Variants in HABP2 observed in about 807,000 individuals in gnomAD.
The protein encoded by HABP2 is factor VII-activating protease.
HABP2 carries 65 observed loss-of-function variants against 66.5 expected under a neutral mutation model. The observed-to-expected ratio is 0.98, with a 90% CI of 0.80 to 1.20. HABP2 has a LOEUF of 1.20. Ranked by LOEUF, HABP2 falls within the 50% of genes most tolerant of loss-of-function variation. The pLI is 0.00. For missense variants in HABP2, 786 were observed against 691.0 expected (o/e 1.14, Z -1.54); for synonymous variants, 263 against 253.9 (o/e 1.04, Z -0.34).
chr10:113,585,809 G>A lies in HABP2; in HGVS notation c.1389G>A (p.Gln463=). Residue 463 remains glutamine (Q), a synonymous_variant, in exon 12 of 13, where the codon CAG becomes CAA. Transcript: ENST00000351270. ...GVTETGKGSR[Q]LLDAKVKLIA... is the part of the protein sequence containing the mutation. ...TCCCCACAGGAAAAGGGTCCCGCCA[G>A]CTCCTGGATGCCAAAGTCAAGCTGA... 1 of 1,613,832 alleles carries A rather than the reference G, an allele frequency of 6.2e-7. No homozygotes were observed. Among genetic ancestry groups the A allele is most frequent in the African/African-American group, 1.3e-5 (1 of 75,058 alleles).
Position 113,581,936 on chromosome 10 carries a change from C to T in HABP2, c.899C>T (p.Ser300Phe), listed in dbSNP as rs141394312. ...TCAACCAAGCTTCCGGGGTTTGACT[C>T]CTGTGGAAAGACTGAGATAGCAGAG... ...EPSTKLPGFD[S>F]CGKTEIAERK... is the part of the protein sequence containing the mutation. Residue 300 changes from serine (S) to phenylalanine (F), a missense_variant, in exon 9 of 13, where the codon TCC becomes TTC. Transcript: ENST00000351270. The T allele has an allele frequency of 2.7e-4, 430 of 1,613,948 alleles. 1 individual carries two copies. Among genetic ancestry groups the T allele is most frequent in the Non-Finnish European group, 3.4e-4 (404 of 1,179,914 alleles).
In HABP2 at chr10:113,578,288, G is replaced by A. The variant is rs11575756; in HGVS notation, c.568+143G>A. On this transcript the variant is annotated intron_variant, in intron 6 of 12. Transcript: ENST00000351270. ...GCCTTCTCACCTAAAGGGATAGGGC[G>A]TGTCTGGCTTCCTGTAAAGAAAGTA... The A allele has an allele frequency of 3.7e-4, 331 of 904,086 alleles. No individual in the cohort carries two copies. In the African/African-American group the frequency reaches 4.8e-3, roughly 13 times the overall value. The allele number at this position is 904,086 out of a possible 1,614,324, so 56.0% of individuals were successfully genotyped here. A position where few individuals can be genotyped will look rare whatever the true frequency, so the allele number is the denominator to read the frequency against.
intron 1 of HABP2, among the ~76,000 whole-genome samples, chr10:113,556,358 T>A (rs1230718615): frequency 6.6e-6 from 1 of 152,102 alleles, no homozygotes; most frequent in African/African-American, 2.4e-5. Context: ...GACATTTGAG[T>A]AGCATTGGGT....
chr10:113,585,075 T>C (rs896608308), intron 11 of HABP2, among the ~76,000 whole-genome samples: 12 of 152,196 alleles, frequency 7.9e-5, no homozygotes, highest in African/African-American at 2.9e-4. Flanking sequence ...ATTCCACATA[T>C]CTGAACAAAG....
Position 113,580,634 on chromosome 10 carries a change from A to G in HABP2, c.780A>G (p.Lys260=). 1 of 1,604,714 alleles carries G rather than the reference A, an allele frequency of 6.2e-7. No homozygotes were observed. Among genetic ancestry groups the G allele is most frequent in the South Asian group, 1.1e-5 (1 of 90,850 alleles). Residue 260 remains lysine, a synonymous_variant, in exon 8 of 13, where the codon AAA becomes AAG. Coordinates refer to ENST00000351270, the MANE Select transcript of HABP2 (RefSeq NM_004132.5). ...DADEKPWCFI[K]VTNDKVKWEY... ...ACGAAAAGCCCTGGTGCTTTATTAA[A>G]GTTACCAATGACAAGGTGAAATGGG...
intron 9 of HABP2, among the ~76,000 whole-genome samples, 200 bp from the exon 10 acceptor site, chr10:113,583,016 A>G (rs1845569329): frequency 6.6e-6 from 1 of 152,224 alleles, no homozygotes; most frequent in Non-Finnish European, 1.5e-5. Context: ...GGTAAAAGTT[A>G]TAGCTTATAT....
At chr10:113,553,579 T>G (rs553651200) in intron 1 of HABP2, among the ~76,000 whole-genome samples, 1 of 152,368 alleles carries the variant, frequency 6.6e-6, no homozygotes, top group South Asian at 2.1e-4. Flanking sequence ...CACACAGTTT[T>G]CCAGCGATTT....
chr10:113,572,671 CTT>C (rs990484309), intron 2 of HABP2: 5 of 454,706 alleles, frequency 1.1e-5, no homozygotes, highest in Non-Finnish European at 2.2e-5. Flanking sequence ...TGGAGGAAAA[CTT>C]TATTTGCTCC....
At chr10:113,576,159 C>A (rs1286475731) in intron 4 of HABP2, among the ~76,000 whole-genome samples, 155 bp downstream of exon 4, 1 of 152,242 alleles carries the variant, frequency 6.6e-6, no homozygotes, top group Admixed American at 6.5e-5. Flanking sequence ...CAGGCAGCCT[C>A]TCACTGGATC....
chr10:113,567,872 G>A (rs1237293733), intron 2 of HABP2, among the ~76,000 whole-genome samples: 1 of 152,222 alleles, frequency 6.6e-6, no homozygotes, highest in Non-Finnish European at 1.5e-5. Context: ...AAAGGCTGAG[G>A]CAAAGTGAGG....
At chr10:113,564,734 C>T (rs910934568) in intron 1 of HABP2, among the ~76,000 whole-genome samples, 7 of 152,150 alleles carry the variant, frequency 4.6e-5, no homozygotes, top group African/African-American at 1.2e-4. Context: ...GTTAACATGT[C>T]GTTATGGTTG....
chr10:113,563,973 C>T (rs1845148592), intron 1 of HABP2, among the ~76,000 whole-genome samples: 1 of 152,096 alleles, frequency 6.6e-6, no homozygotes, highest in Admixed American at 6.5e-5. Context: ...GAAGGGGTAA[C>T]CTTTGTCCTT....
chr10:113,584,936 C>T (rs556815551), intron 11 of HABP2, among the ~76,000 whole-genome samples: 184 of 152,206 alleles, frequency 1.2e-3, no homozygotes, highest in Non-Finnish European at 2.4e-3. Context: ...ACATTATACC[C>T]ACTACTACAA....
chr10:113,575,901 A>G lies in HABP2; in HGVS notation c.228A>G (p.Pro76=). 1 of 1,596,486 alleles carries G rather than the reference A, an allele frequency of 6.3e-7. No individual in the cohort carries two copies. The change falls in exon 4 of 13, where the codon CCA becomes CCG. Residue 76 remains proline, a synonymous_variant. Coordinates refer to ENST00000351270, the MANE Select transcript of HABP2 (RefSeq NM_004132.5). The part of the protein sequence containing the change: ...DWYYTEDQAD[P]CQPNPCEHGG... ...CCTTCTTCCTGTGTGTCTTAGATCC[A>G]TGCCAGCCCAACCCCTGTGAACACG...
At chr10:113,572,500 T>C (rs1845331791) in intron 2 of HABP2, among the ~76,000 whole-genome samples, 1 of 152,150 alleles carries the variant, frequency 6.6e-6, no homozygotes, top group African/African-American at 2.4e-5. Context: ...AAAACAAAAA[T>C]AAATTCTTCA....
intron 1 of HABP2, among the ~76,000 whole-genome samples, chr10:113,563,072 A>G (rs1268437291): frequency 1.3e-5 from 2 of 152,248 alleles, no homozygotes; most frequent in African/African-American, 2.4e-5. Flanking sequence ...TGTGTGCAAC[A>G]AACAAGACAA....
intron 12 of HABP2, among the ~76,000 whole-genome samples, chr10:113,586,242 T>A (rs886617730): frequency 2.6e-5 from 4 of 152,242 alleles, no homozygotes; most frequent in African/African-American, 9.6e-5. Context: ...GAAGTTATCT[T>A]GGCCTATAGC....
At chr10:113,562,568 C>T (rs1046437660) in intron 1 of HABP2, among the ~76,000 whole-genome samples, 28 of 152,090 alleles carry the variant, frequency 1.8e-4, no homozygotes, top group African/African-American at 6.3e-4. Context: ...CCTCAGCCAC[C>T]CGAGTAGCTG....
intron 2 of HABP2, among the ~76,000 whole-genome samples, chr10:113,572,005 G>A (rs1198834292): frequency 1.3e-5 from 2 of 152,244 alleles, no homozygotes; most frequent in East Asian, 1.9e-4. Context: ...CTCCTGTAAA[G>A]CACCTTCAAA....
Sources: gnomAD v4.1 joint callset for allele counts (sites outside exome capture counted in the v4.1 genomes callset) on GRCh38, gnomAD v4.1.1 for gene constraint, MANE v1.5 for transcripts, NCBI Gene and HGNC (gene_info 2026-07-23, HGNC 2026-07-21) for gene names.